Variants in PTCD1 observed in about 807,000 individuals in gnomAD.
PTCD1 encodes the protein pentatricopeptide repeat-containing protein 1, mitochondrial.
PTCD1 carries 50 observed loss-of-function variants against 53.4 expected under a neutral mutation model. The ratio of observed to expected loss-of-function variants is 0.94; its 90% CI spans 0.75 to 1.19. PTCD1 has a LOEUF of 1.19. Ranked by LOEUF, PTCD1 falls within the 50% of genes most tolerant of loss-of-function variation. The probability of loss-of-function intolerance (pLI) is 0.00; values close to 1 mark genes in which losing one functional copy is unlikely to be tolerated. For missense variants in PTCD1, 918 were observed against 904.8 expected, an observed-to-expected ratio of 1.01 and a Z score of -0.19; for synonymous variants, 413 against 394.8, an observed-to-expected ratio of 1.05 and a Z score of -0.55.
At chr7:99,427,020 G>A (rs879300317) in intron 5 of PTCD1, among the ~76,000 whole-genome samples, 4 of 147,282 alleles carry the variant, frequency 2.7e-5, no homozygotes, top group Non-Finnish European at 6.0e-5. Context: ...CTCCGCCCGG[G>A]AGTCACCCTG....
Position 99,417,879 on chromosome 7 carries a change from A to G in PTCD1, c.*2088T>C. 7.4e-7 allele frequency: 1 copy of G among 1,359,882 alleles called. No individual in the cohort carries two copies. The allele number at this position is 1,359,882 out of a possible 1,614,324, so 84.2% of individuals were successfully genotyped here. ...ATGGTGGTGGGGAGCCCTAATCCCA[A>G]GGTGGTGGCAGGGTGACATCAGGGA... On this transcript the variant is annotated 3_prime_UTR_variant, in exon 8 of 8. Coordinates refer to ENST00000292478, the MANE Select transcript of PTCD1 (RefSeq NM_015545.4).
At chr7:99,426,119 C>T (rs1796004522) in intron 5 of PTCD1, among the ~76,000 whole-genome samples, 1 of 149,622 alleles carries the variant, frequency 6.7e-6, no homozygotes, top group Non-Finnish European at 1.5e-5. Flanking sequence ...CCCTCTCCCT[C>T]TCCCCCTCCC....
chr7:99,417,875 C>G lies in PTCD1; in HGVS notation c.*2092G>C. The G allele has an allele frequency of 3.6e-6, 5 of 1,374,276 alleles. No individual in the cohort carries two copies. The South Asian group carries it at 5.9e-5, about 16-fold the overall frequency. The allele number at this position is 1,374,276 out of a possible 1,614,324, so 85.1% of individuals were successfully genotyped here. On this transcript the variant is annotated 3_prime_UTR_variant, in exon 8 of 8. Transcript: ENST00000292478. Reference sequence around the variant, plus strand: ...GGAAATGGTGGTGGGGAGCCCTAATCCCAAGGTGGTGGCAGGGTGACATCA... The same window carrying G: ...GGAAATGGTGGTGGGGAGCCCTAATGCCAAGGTGGTGGCAGGGTGACATCA...
chr7:99,426,174 G>A (rs1228483376), intron 5 of PTCD1, among the ~76,000 whole-genome samples: 4 of 61,210 alleles, frequency 6.5e-5, no homozygotes, highest in African/African-American at 5.3e-4. Flanking sequence ...CTCTCCCCAC[G>A]GTCTCCCTCT....
chr7:99,420,199 T>C (rs770989810), intron 7 of PTCD1, 50 bp from the exon 8 acceptor site: 1 of 1,611,810 alleles, frequency 6.2e-7, no homozygotes. Flanking sequence ...CTACAGCTAA[T>C]CCCAAACCTC....
At chr7:99,425,637 G>C in intron 5 of PTCD1, 21 bp from the exon 6 acceptor site, 1 of 1,596,060 alleles carries the variant, frequency 6.3e-7, no homozygotes, top group Non-Finnish European at 8.5e-7. Context: ...AGAGACAAAC[G>C]TCAGCTGGGT....
At chr7:99,433,544 A>C (rs1584466381) in intron 2 of PTCD1, 126 bp from the exon 3 acceptor site, 43 of 1,561,670 alleles carry the variant, frequency 2.8e-5, no homozygotes, top group Non-Finnish European at 3.6e-5. Context: ...GTGACTGCAA[A>C]CCCCCTGGGC....
rs190323593 is a variant in PTCD1 at position 99,438,767 on chromosome 7, T to A, written c.-102A>T. Reference sequence around the variant, plus strand: ...GCGGCGAACCAGTCTCTTCCTCGGGTCCCCCTCTCCCCAAGCGCGCAGGCG... The same window carrying A: ...GCGGCGAACCAGTCTCTTCCTCGGGACCCCCTCTCCCCAAGCGCGCAGGCG... On this transcript the variant is annotated 5_prime_UTR_variant, in exon 1 of 8. Coordinates refer to ENST00000292478, the MANE Select transcript of PTCD1 (RefSeq NM_015545.4). 274 of 1,349,832 alleles carry A rather than the reference T, an allele frequency of 2.0e-4. No homozygotes were observed. The East Asian group carries it at 8.7e-3, about 43-fold the overall frequency. The allele number at this position is 1,349,832 out of a possible 1,614,324, so 83.6% of individuals were successfully genotyped here. A position where few individuals can be genotyped will look rare whatever the true frequency, so the allele number is the denominator to read the frequency against.
chr7:99,419,520 C>G lies in PTCD1; in HGVS notation c.*447G>C, dbSNP rs528799558. 3.9e-6 allele frequency: 6 copies of G among 1,538,300 alleles called. No homozygotes were observed. In the East Asian group the frequency reaches 9.0e-5, roughly 23 times the overall value. ...CCACCCCCTTCCTGGGAGCAGCGAG[C>G]AGTGCCCCAGGCCCGAGTTGGAGCA... is the stretch of plus-strand genomic sequence containing the variant. On this transcript the variant is annotated 3_prime_UTR_variant, in exon 8 of 8. Coordinates refer to ENST00000292478, the MANE Select transcript of PTCD1 (RefSeq NM_015545.4).
At chr7:99,434,359 T>C (rs1796374786) in intron 2 of PTCD1, among the ~76,000 whole-genome samples, 1 of 151,430 alleles carries the variant, frequency 6.6e-6, no homozygotes, top group African/African-American at 2.4e-5. Flanking sequence ...GATGGGAGAA[T>C]TGCTTGAATT....
rs569892172 is a variant in PTCD1, at chr7:99,428,952, A to G, written c.915+151T>C. 6.5e-6 allele frequency: 6 copies of G among 925,300 alleles called. No individual in the cohort carries two copies. The African/African-American group carries it at 9.8e-5, about 15-fold the overall frequency. The allele number at this position is 925,300 out of a possible 1,614,324, so 57.3% of individuals were successfully genotyped here. A position where few individuals can be genotyped will look rare whatever the true frequency, so the allele number is the denominator to read the frequency against. ...GGCCTCCTCTCCCTGCCATCTGTAGAATGGAGGCTACAGTGGCTGCTGGGT... is the reference window on the plus strand; with the variant it reads ...GGCCTCCTCTCCCTGCCATCTGTAGGATGGAGGCTACAGTGGCTGCTGGGT... On this transcript the variant is annotated intron_variant, in intron 5 of 7. Coordinates refer to ENST00000292478, the MANE Select transcript of PTCD1 (RefSeq NM_015545.4).
Position 99,424,978 on chromosome 7 carries a change from G to A in PTCD1, c.1554C>T (p.Ala518=), listed in dbSNP as rs775458723. 31 of 1,614,108 alleles carry A rather than the reference G, an allele frequency of 1.9e-5. No homozygotes were observed. The highest frequency in any genetic ancestry group is 3.3e-5 in the Admixed American group (2 of 60,010). Residue 518 remains alanine (A), a synonymous_variant, in exon 6 of 8, where the codon GCC becomes GCT. Coordinates refer to ENST00000292478, the MANE Select transcript of PTCD1 (RefSeq NM_015545.4). ...CCAGCGTGTTAAAGAATGTCAGGTC[G>A]GCCTCTACCTGGTGCTCATCCAGGA... ...LALLDEHQVE[A]DLTFFNTLVR...
chr7:99,429,600 G>C lies in PTCD1; in HGVS notation c.801C>G (p.Leu267=). The part of the protein sequence containing the change: ...AAKCADLRMC[L]DVFKEIIHKG... ...GGGGAAGCCCCACCTTGAACACATC[G>C]AGGCACATCCTAAGGTCTGCGCACT... Residue 267 remains leucine (L), a synonymous_variant, in exon 4 of 8, where the codon CTC becomes CTG. Coordinates refer to ENST00000292478, the MANE Select transcript of PTCD1 (RefSeq NM_015545.4). The C allele has an allele frequency of 6.2e-7, 1 of 1,614,154 alleles. No homozygotes were observed. Among genetic ancestry groups the C allele is most frequent in the Non-Finnish European group, 8.5e-7 (1 of 1,180,024 alleles).
rs1427137849 is a variant in PTCD1 at position 99,425,331 on chromosome 7, G to A, written c.1201C>T (p.Pro401Ser). Reference sequence around the variant, plus strand: ...TTGCCGGGCACTCTGGCTTCCGGAGGCTCTGGAGGCCCAAGTGCCTGAGAA... The same window carrying A: ...TTGCCGGGCACTCTGGCTTCCGGAGACTCTGGAGGCCCAAGTGCCTGAGAA... ...EPSQALGPPE[P>S]PEARVPGKAQ... Residue 401 changes from proline to serine, a missense_variant, in exon 6 of 8, where the codon CCT becomes TCT. By Grantham distance (74) the Pro-to-Ser change is moderately conservative (BLOSUM62 -1). Transcript: ENST00000292478. 2 of 1,614,074 alleles carry A rather than the reference G, an allele frequency of 1.2e-6. No individual in the cohort carries two copies. The highest frequency in any genetic ancestry group is 2.7e-5 in the African/African-American group (2 of 74,928).
rs201683248 is a variant in PTCD1, at chr7:99,434,966, A to T, written c.277T>A (p.Ser93Thr). The change falls in exon 2 of 8, where the codon TCT becomes ACT. Residue 93 changes from serine to threonine, a missense_variant. Transcript: ENST00000292478. ...EEEEESFGTL[S>T]DKYSSRRLFR... ...AGTCTCCGGGAGGAGTATTTGTCAG[A>T]GAGGGTCCCAAAACTCTCCTCCTCC... The T allele has an allele frequency of 2.7e-5, 43 of 1,614,090 alleles. No individual in the cohort carries two copies. Among genetic ancestry groups the T allele is most frequent in the Non-Finnish European group, 3.5e-5 (41 of 1,180,046 alleles).
At position 99,425,301 on chromosome 7, in the gene PTCD1, G is replaced by A; in HGVS notation, c.1231C>T (p.Gln411Ter). Reference protein sequence around the residue: ...PPEARVPGKAQPEVDTKAEPS... With the variant: ...PPEARVPGKA ...TCTGCCTTAGTATCCACCTCTGGTTGGGCCTTGCCGGGCACTCTGGCTTCC... is the reference window on the plus strand; with the variant it reads ...TCTGCCTTAGTATCCACCTCTGGTTAGGCCTTGCCGGGCACTCTGGCTTCC... Residue 411 changes from glutamine (Q) to a stop codon, truncating the protein, a stop_gained, in exon 6 of 8, where the codon CAA becomes TAA. Transcript: ENST00000292478. LOFTEE classifies it high-confidence loss of function. The A allele has an allele frequency of 6.2e-7, 1 of 1,614,122 alleles. No individual in the cohort carries two copies. The highest frequency in any genetic ancestry group is 8.5e-7 in the Non-Finnish European group (1 of 1,180,012).
chr7:99,421,072 C>T (rs1056950479), intron 7 of PTCD1, among the ~76,000 whole-genome samples: 13 of 152,112 alleles, frequency 8.5e-5, no homozygotes, highest in Non-Finnish European at 1.5e-4. Flanking sequence ...TAAACAAGTC[C>T]ACCATCATGA....
chr7:99,420,135 G>A lies in PTCD1; in HGVS notation c.1935C>T (p.Asn645=). The A allele has an allele frequency of 6.2e-7, 1 of 1,614,186 alleles. No homozygotes were observed. The change falls in exon 8 of 8, where the codon AAC becomes AAT. Residue 645 remains asparagine, a synonymous_variant. Coordinates refer to ENST00000292478, the MANE Select transcript of PTCD1 (RefSeq NM_015545.4). The part of the protein sequence containing the change: ...PPTFDRYQGK[N]TYLEKIDGFR... ...AGCCGTCAATCTTCTCCAGGTAGGT[G>A]TTCTTCCCTTGGTACTAGAATTAGA... is the stretch of plus-strand genomic sequence containing the variant.
At chr7:99,437,161 C>T (rs1358656170) in intron 1 of PTCD1, among the ~76,000 whole-genome samples, 1 of 152,182 alleles carries the variant, frequency 6.6e-6, no homozygotes, top group African/African-American at 2.4e-5. Context: ...CCTCCATGCC[C>T]TGCCTTACGT....
Sources: allele counts gnomAD v4.1 joint callset (sites outside exome capture counted in the v4.1 genomes callset), GRCh38; gene constraint gnomAD v4.1.1; transcripts MANE v1.5; gene names NCBI Gene and HGNC (gene_info 2026-07-23, HGNC 2026-07-21).